Variants in GMPPA observed in about 807,000 individuals in gnomAD.
GMPPA encodes mannose-1-phosphate guanylyltransferase regulatory subunit alpha.
GMPPA carries 46 observed loss-of-function variants against 58.6 expected under a neutral mutation model. The ratio of observed to expected loss-of-function variants is 0.78; its 90% CI spans 0.62 to 1.00. The LOEUF (loss-of-function observed/expected upper bound fraction) is 1.00. Among genes scored for constraint, GMPPA ranks in the 50% least tolerant of loss-of-function variants. The pLI is 0.00. For missense variants in GMPPA, 468 were observed against 556.4 expected, an observed-to-expected ratio of 0.84 and a Z score of 1.60; for synonymous variants, 211 against 214.9, an observed-to-expected ratio of 0.98 and a Z score of 0.16.
At position 219,501,551 on chromosome 2, in the gene GMPPA, G is replaced by A. The variant is rs112693024; in HGVS notation, c.214G>A (p.Ala72Thr). The change falls in exon 4 of 13, where the codon GCC (alanine) becomes ACC (threonine). Residue 72 changes from alanine (A) to threonine (T), a missense_variant. Physicochemically the swap from Ala to Thr is moderately conservative, Grantham distance 58. Coordinates refer to ENST00000313597, the MANE Select transcript of GMPPA (RefSeq NM_013335.4). ...GCCCCTCACCCAGTTCCTAGAAGCC[G>A]CCCAGCAGGAGTTTAACCTTCCAGT... ...DEPLTQFLEA[A>T]QQEFNLPVRY... The A allele has an allele frequency of 2.2e-4, 350 of 1,611,242 alleles. No homozygotes were observed. The African/African-American group carries it at 3.5e-3, about 16-fold the overall frequency.
At position 219,506,723 on chromosome 2, in the gene GMPPA, G is replaced by A. The variant is rs111231845; in HGVS notation, c.1188G>A (p.Glu396=). The A allele has an allele frequency of 2.2e-5, 36 of 1,605,232 alleles. No individual in the cohort carries two copies. The highest frequency in any genetic ancestry group is 3.3e-4 in the Middle Eastern group (2 of 6,058). ...ILGCRVRIPA[E]VLILNSIVLP... ...GCTGCCGAGTCCGGATCCCTGCCGA[G>A]GTGCTCATCCTGAACTCGATTGTTC... The change falls in exon 13 of 13, where the codon GAG becomes GAA. Residue 396 remains glutamate, a synonymous_variant. Coordinates refer to ENST00000313597, the MANE Select transcript of GMPPA (RefSeq NM_013335.4).
At chr2:219,504,904 G>A in intron 7 of GMPPA, 2 of 1,155,306 alleles carry the variant, frequency 1.7e-6, no homozygotes, top group Non-Finnish European at 1.1e-6. Context: ...TCCAATGAGG[G>A]GGAGGGTAAC....
At chr2:219,501,217 C>T (rs752352386) in intron 3 of GMPPA, 18 of 431,982 alleles carry the variant, frequency 4.2e-5, no homozygotes, top group Non-Finnish European at 7.1e-5. Flanking sequence ...GAGCCAAAAT[C>T]ATGCCACTGC....
intron 1 of GMPPA, 103 bp from the exon 2 acceptor site, chr2:219,499,853 C>A: frequency 1.2e-6 from 1 of 843,462 alleles, no homozygotes; most frequent in Non-Finnish European, 2.1e-6. Context: ...CTATATTGAG[C>A]TTTGGGTTTA....
rs968672975 is a variant in GMPPA at position 219,502,956 on chromosome 2, T to G, written c.489+515T>G. The stretch of plus-strand genomic sequence containing the variant: ...ACATAACCCTCCCTCCTTTATTTAT[T>G]TATGTATGTATGTGTTTATTTATTT... On this transcript the variant is annotated intron_variant, in intron 6 of 12. Transcript: ENST00000313597. The surrounding 1 kb of genome is among the most constrained non-coding windows in gnomAD (Gnocchi z 4.0). Among the ~76,000 whole-genome samples the G allele has an allele frequency of 1.3e-5, 2 of 152,156 alleles. No homozygotes were observed. Among genetic ancestry groups the G allele is most frequent in the Non-Finnish European group, 2.9e-5 (2 of 68,024 alleles).
At chr2:219,504,927 A>C in intron 7 of GMPPA, 1 of 1,086,808 alleles carries the variant, frequency 9.2e-7, no homozygotes, top group Non-Finnish European at 1.2e-6. Context: ...GGAGGGGGTA[A>C]AGGGCTGAAT....
At chr2:219,506,140 C>A (rs1694582463) in intron 11 of GMPPA, 68 bp downstream of exon 11, 1 of 1,458,586 alleles carries the variant, frequency 6.9e-7, no homozygotes, top group Non-Finnish European at 9.4e-7. Context: ...AGGCATCCCC[C>A]CAAGAACAGA....
At chr2:219,503,956 A>T in intron 6 of GMPPA, 127 bp from the exon 7 acceptor site, 1 of 964,724 alleles carries the variant, frequency 1.0e-6, no homozygotes, top group South Asian at 1.4e-5. Context: ...GCGGATGCGC[A>T]CTGCATTTTA....
In GMPPA at chr2:219,504,153, C is replaced by T; in HGVS notation, c.560C>T (p.Ser187Phe). The T allele has an allele frequency of 6.2e-7, 1 of 1,613,958 alleles. No homozygotes were observed. The change falls in exon 7 of 13, where the codon TCT (serine) becomes TTT (phenylalanine). Residue 187 changes from serine (S) to phenylalanine (F), a missense_variant. Coordinates refer to ENST00000313597, the MANE Select transcript of GMPPA (RefSeq NM_013335.4). ...DIINCGIYLFSPEALKPLRDV... is the reference protein window; with the variant it reads ...DIINCGIYLFFPEALKPLRDV... The stretch of plus-strand genomic sequence containing the variant: ...ATCAACTGCGGCATCTACCTCTTTT[C>T]TCCTGAAGCCTTGAAGCCTCTTCGG...
chr2:219,499,739 C>T, intron 1 of GMPPA: 1 of 602,082 alleles, frequency 1.7e-6, no homozygotes, highest in Non-Finnish European at 3.0e-6. Flanking sequence ...CTAAGTGCTG[C>T]TATTTGGGGT....
In GMPPA at chr2:219,500,033, T is replaced by TG. The variant is rs760771767; in HGVS notation, c.40+24dup. 3.1e-6 allele frequency: 5 copies of TG among 1,611,718 alleles called. No homozygotes were observed. Among genetic ancestry groups the TG allele is most frequent in the Non-Finnish European group, 3.4e-6 (4 of 1,178,510 alleles). On this transcript the variant is annotated intron_variant, in intron 2 of 12. Coordinates refer to ENST00000313597, the MANE Select transcript of GMPPA (RefSeq NM_013335.4). ...TCAAAAGGGTGAGGTGCCAGGGGAA[T>TG]GGGGGGAGGAGGTTGGGCTGGAGTG...
intron 6 of GMPPA, among the ~76,000 whole-genome samples, chr2:219,503,431 C>G (rs537718524): frequency 6.6e-6 from 1 of 152,296 alleles, no homozygotes; most frequent in Admixed American, 6.5e-5. Flanking sequence ...CCTGGCGTCA[C>G]ATACTCCTTT....
rs1694331463 is a variant in GMPPA at position 219,499,991 on chromosome 2, A to G, written c.16A>G (p.Ile6Val). Residue 6 changes from isoleucine to valine, a missense_variant, in exon 2 of 13, where the codon ATC becomes GTC. Coordinates refer to ENST00000313597, the MANE Select transcript of GMPPA (RefSeq NM_013335.4). MLKAV[I>V]LIGGPQKGTR... ...AGTCACCATTATGCTCAAAGCGGTG[A>G]TCCTGATTGGAGGCCCTCAAAAGGG... The G allele has an allele frequency of 6.2e-7, 1 of 1,613,782 alleles. No individual in the cohort carries two copies. Among genetic ancestry groups the G allele is most frequent in the Non-Finnish European group, 8.5e-7 (1 of 1,179,884 alleles).
At chr2:219,506,603 G>A in intron 12 of GMPPA, 95 bp from the exon 13 acceptor site, 1 of 963,912 alleles carries the variant, frequency 1.0e-6, no homozygotes, top group Non-Finnish European at 1.6e-6. Flanking sequence ...GCACAGATGG[G>A]CAGGAGGGCT....
In GMPPA at chr2:219,501,478, C is replaced by T. The variant is rs769361205; in HGVS notation, c.141C>T (p.Val47=). The change falls in exon 4 of 13, where the codon GTC becomes GTT. Residue 47 remains valine, a splice_region_variant and synonymous_variant. Transcript: ENST00000313597. ...IQHHIEACAQ[V]PGMQEILLIG... is the part of the protein sequence containing the mutation. ...CCAGCCTCTTCCCTTGTCCTCAGGT[C>T]CCTGGAATGCAGGAGATTCTGCTCA... 5.7e-6 allele frequency: 9 copies of T among 1,575,506 alleles called. No individual in the cohort carries two copies. The highest frequency in any genetic ancestry group is 1.1e-5 in the South Asian group (1 of 90,326).
At chr2:219,504,700 A>G in intron 7 of GMPPA, 1 of 218,450 alleles carries the variant, frequency 4.6e-6, no homozygotes, top group Admixed American at 5.5e-5. Flanking sequence ...CGCCCCATCT[A>G]AGGCCTCCTC....
intron 3 of GMPPA, 178 bp from the exon 4 acceptor site, chr2:219,501,298 C>T: frequency 1.6e-6 from 1 of 611,228 alleles, no homozygotes; most frequent in Non-Finnish European, 2.9e-6. Flanking sequence ...GATCAGGCCT[C>T]CGACTTCCTC....
Position 219,502,457 on chromosome 2 carries a change from G to A in GMPPA, c.489+16G>A, listed in dbSNP as rs202131537. The stretch of plus-strand genomic sequence containing the variant: ...GACACACGAGGTGAGAGCAGAGTGG[G>A]GGCTGGGTGGGTGCCTACTCTGTGT... On this transcript the variant is annotated intron_variant, in intron 6 of 12. Transcript: ENST00000313597. The surrounding 1 kb of genome is among the most constrained non-coding windows in gnomAD (Gnocchi z 4.0). The A allele has an allele frequency of 6.8e-4, 1,095 of 1,607,880 alleles. 12 individuals carry two copies. Among genetic ancestry groups the A allele is most frequent in the Admixed American group, 3.7e-4 (22 of 59,966 alleles).
chr2:219,505,819 GC>G, intron 10 of GMPPA, 58 bp downstream of exon 10: 2 of 1,367,762 alleles, frequency 1.5e-6, no homozygotes, highest in Non-Finnish European at 1.0e-6. Flanking sequence ...GATGGAGGGT[GC>G]CCACGCTGCC....
Sources: allele counts gnomAD v4.1 joint callset (sites outside exome capture counted in the v4.1 genomes callset), GRCh38; gene constraint gnomAD v4.1.1; non-coding constraint Gnocchi (gnomAD v3.1); transcripts MANE v1.5; gene names NCBI Gene and HGNC (gene_info 2026-07-23, HGNC 2026-07-21).